Variants in MAP4 observed in about 807,000 individuals in gnomAD.
The protein encoded by MAP4 is microtubule-associated protein 4.
A neutral mutation model predicts 170.2 loss-of-function variants in MAP4; 76 were observed. The observed-to-expected ratio is 0.45, with a 90% CI of 0.37 to 0.54. The LOEUF (loss-of-function observed/expected upper bound fraction) is 0.54, where lower values mean the gene tolerates loss of function less well. MAP4 is among the 20% of genes least tolerant of loss of function. MAP4 has a pLI of 0.00. For missense variants in MAP4, 2,506 were observed against 2,748.0 expected (o/e 0.91, Z 1.97); for synonymous variants, 909 against 994.5 (o/e 0.91, Z 1.62).
At chr3:47,940,852 G>A (rs540373573) in intron 3 of MAP4, among the ~76,000 whole-genome samples, 1 of 152,238 alleles carries the variant, frequency 6.6e-6, no homozygotes, top group South Asian at 2.1e-4. Flanking sequence ...GGAGGCTGAG[G>A]TGGGAGAACT....
At chr3:47,881,522 G>C (rs574648209) in intron 10 of MAP4, among the ~76,000 whole-genome samples, 1 of 120,182 alleles carries the variant, frequency 8.3e-6, no homozygotes, top group South Asian at 2.6e-4. Context: ...TATAGCTACT[G>C]CTACTTTAAA....
chr3:48,069,723 T>C (rs975984190), intron 1 of MAP4, among the ~76,000 whole-genome samples: 6 of 152,176 alleles, frequency 3.9e-5, no homozygotes, highest in African/African-American at 1.4e-4. Context: ...AGAACAACTG[T>C]CTGGGTAGCC....
At chr3:47,948,225 CTTT>C (rs35761893) in intron 3 of MAP4, among the ~76,000 whole-genome samples, 2 of 128,376 alleles carry the variant, frequency 1.6e-5, no homozygotes, top group Non-Finnish European at 1.7e-5. Flanking sequence ...TTGACCTATT[CTTT>C]TTTTTTTTTT....
At chr3:48,085,191 TAAA>T (rs896066878) in intron 1 of MAP4, among the ~76,000 whole-genome samples, 1 of 98,838 alleles carries the variant, frequency 1.0e-5, no homozygotes, top group East Asian at 2.7e-4. Flanking sequence ...GCTTAATCTT[TAAA>T]AAAAAAAAAA....
At chr3:48,019,269 G>A (rs1400842057), upstream of MAP4, among the ~76,000 whole-genome samples, 3 of 152,112 alleles carry the variant, frequency 2.0e-5, no homozygotes, top group Non-Finnish European at 4.4e-5. Flanking sequence ...TTGAGCCCAG[G>A]AGCTTGAGGA....
At chr3:48,048,125 G>A (rs1488752271) in intron 1 of MAP4, among the ~76,000 whole-genome samples, 1 of 152,124 alleles carries the variant, frequency 6.6e-6, no homozygotes, top group Non-Finnish European at 1.5e-5. Flanking sequence ...AAGAGAGAGA[G>A]AAAGAGAAAG....
At chr3:48,015,974 C>T (rs2100107601) in intron 1 of MAP4, among the ~76,000 whole-genome samples, 1 of 152,162 alleles carries the variant, frequency 6.6e-6, no homozygotes, top group Non-Finnish European at 1.5e-5. Flanking sequence ...TAGGTTCCTC[C>T]CTACACAGTT....
intron 3 of MAP4, among the ~76,000 whole-genome samples, chr3:47,932,242 C>T (rs532954013): frequency 6.6e-6 from 1 of 152,318 alleles, no homozygotes; most frequent in East Asian, 1.9e-4. Context: ...TTCATCCATG[C>T]TGTAGTATGG....
At chr3:47,968,809 C>T (rs1388601909) in intron 3 of MAP4, among the ~76,000 whole-genome samples, 2 of 151,828 alleles carry the variant, frequency 1.3e-5, no homozygotes, top group Non-Finnish European at 2.9e-5. Flanking sequence ...AAAGTTGGTT[C>T]TTTCAAAAGA....
intron 19 of MAP4, among the ~76,000 whole-genome samples, chr3:47,854,526 C>CG (rs1288404064): frequency 1.3e-5 from 2 of 152,210 alleles, no homozygotes; most frequent in Admixed American, 1.3e-4. Context: ...TCCTTGTGCT[C>CG]GGGGTCTGCA....
At chr3:48,031,878 C>CAT (rs2100116286) in intron 1 of MAP4, among the ~76,000 whole-genome samples, 1 of 148,210 alleles carries the variant, frequency 6.7e-6, no homozygotes, top group Non-Finnish European at 1.5e-5. Flanking sequence ...AAAACACACA[C>CAT]ATACACACAC....
intron 1 of MAP4, among the ~76,000 whole-genome samples, chr3:48,012,675 C>T (rs1288659283): frequency 6.6e-6 from 1 of 152,092 alleles, no homozygotes; most frequent in East Asian, 1.9e-4. Flanking sequence ...CCCAGCCACA[C>T]ACTCTCAGAT....
intron 1 of MAP4, among the ~76,000 whole-genome samples, chr3:48,010,187 C>A (rs1438921253): frequency 6.6e-6 from 1 of 152,092 alleles, no homozygotes; most frequent in Admixed American, 6.6e-5. Context: ...ATCACTCCAC[C>A]AGGAAAAAAA....
rs539873145 is a variant in MAP4 at position 47,897,676 on chromosome 3, T to C, written c.5434+5274A>G. Reference sequence around the variant, plus strand: ...GTTTGAGGCCGGGAGTAGTGGCTCATGCCTGTAATCTCAGTACTTTGGGAG... The same window carrying C: ...GTTTGAGGCCGGGAGTAGTGGCTCACGCCTGTAATCTCAGTACTTTGGGAG... On this transcript the variant is annotated intron_variant, in intron 10 of 20. Coordinates refer to ENST00000683076, the MANE Select transcript of MAP4 (RefSeq NM_001385682.1). Among the ~76,000 whole-genome samples the C allele has an allele frequency of 6.9e-4, 105 of 152,120 alleles. 1 individual carries two copies. The highest frequency in any genetic ancestry group is 1.9e-3 in the South Asian group (9 of 4,812).
At chr3:47,892,507 G>A (rs555215351) in intron 10 of MAP4, 1 of 1,502,972 alleles carries the variant, frequency 6.7e-7, no homozygotes, top group Admixed American at 2.1e-5. Flanking sequence ...CTCCTCCACT[G>A]CTCTCCCTGC....
intron 3 of MAP4, among the ~76,000 whole-genome samples, chr3:47,935,922 T>G: frequency 7.4e-6 from 1 of 135,436 alleles, no homozygotes. Context: ...TGCAGTGACG[T>G]AGTGAGACTT....
rs758045847 is a variant in MAP4, at chr3:48,078,530, CAT to C, written c.-20+10241_-20+10242del. Among the ~76,000 whole-genome samples, 66 of 152,048 alleles carry C rather than the reference CAT, an allele frequency of 4.3e-4. 1 individual carries two copies. The Middle Eastern group carries it at 0.01, about 24-fold the overall frequency. ...ATCAACTTTTTTAAATGTGGAATGA[CAT>C]ATGCCCAAAGATATACATTGGGGAA... On this transcript the variant is annotated intron_variant, in intron 1 of 18. Coordinates refer to the MAP4 transcript ENST00000360240.
At chr3:48,059,410 G>A (rs956756991) in intron 1 of MAP4, among the ~76,000 whole-genome samples, 9 of 150,556 alleles carry the variant, frequency 6.0e-5, no homozygotes, top group Non-Finnish European at 1.2e-4. Context: ...AGCTACCTGG[G>A]AGGCTGAGGC....
At chr3:47,898,406 G>A (rs2100028164) in intron 10 of MAP4, among the ~76,000 whole-genome samples, 2 of 151,906 alleles carry the variant, frequency 1.3e-5, no homozygotes, top group Admixed American at 6.6e-5. Context: ...GGAGGCTGAG[G>A]CAGGAGAATT....
Sources: gnomAD v4.1 joint callset for allele counts (sites outside exome capture counted in the v4.1 genomes callset) on GRCh38, gnomAD v4.1.1 for gene constraint, MANE v1.5 for transcripts, NCBI Gene and HGNC (gene_info 2026-07-23, HGNC 2026-07-21) for gene names.